The following PAK1 variants were observed in gnomAD, a reference collection of about 807,000 sequenced individuals.
PAK1 encodes serine/threonine-protein kinase PAK 1.
A neutral mutation model predicts 67.4 loss-of-function variants in PAK1; 29 were observed. That is an observed-to-expected ratio of 0.43 (90% CI 0.32 to 0.59). The LOEUF is 0.59. Among genes scored for constraint, PAK1 ranks in the 20% least tolerant of loss-of-function variants. PAK1 has a pLI of 0.07. For synonymous variants in PAK1, 223 were observed against 237.4 expected (o/e 0.94, Z 0.56); for missense variants, 337 against 670.7 (o/e 0.50, Z 5.50).
At chr11:77,346,145 G>T in intron 9 of PAK1, among the ~76,000 whole-genome samples, 1 of 151,876 alleles carries the variant, frequency 6.6e-6, no homozygotes, top group East Asian at 1.9e-4. Context: ...AGCTAATTTT[G>T]GTATTTTTAG....
chr11:77,325,401 T>C lies in PAK1; in HGVS notation c.1552-2041A>G, dbSNP rs373300221. The C allele has an allele frequency of 9.6e-5, 155 of 1,611,250 alleles. 1 individual carries two copies. In the African/African-American group the frequency reaches 1.8e-3, roughly 19 times the overall value. Reference sequence around the variant, plus strand: ...CCTGTAAAAATGAGAATAGAACCTATGACTCACAGAGTTGTTGTAAAGGAC... The same window carrying C: ...CCTGTAAAAATGAGAATAGAACCTACGACTCACAGAGTTGTTGTAAAGGAC... On this transcript the variant is annotated intron_variant, in intron 14 of 14. Transcript: ENST00000356341.
chr11:77,432,740 A>C (rs1565699131), intron 1 of PAK1, among the ~76,000 whole-genome samples: 1 of 152,182 alleles, frequency 6.6e-6, no homozygotes, highest in Non-Finnish European at 1.5e-5. Context: ...CCAAAAAAAA[A>C]ATCTGTTGGA....
At chr11:77,337,523 AAAGG>A (rs1942902708) in intron 11 of PAK1, 100 bp from the exon 12 acceptor site, 1 of 560,632 alleles carries the variant, frequency 1.8e-6, no homozygotes. Flanking sequence ...ACTTTAAAAT[AAAGG>A]AAGTAAGGCC....
At chr11:77,482,539 TTTAA>T in the PAK1 span, among the ~76,000 whole-genome samples, 5 of 152,152 alleles carry the variant, frequency 3.3e-5, no homozygotes, top group African/African-American at 7.2e-5. Context: ...TTGAATTCCT[TTTAA>T]TTAGTTTTTG....
Position 77,379,894 on chromosome 11 carries a change from C to T in PAK1, c.291G>A (p.Thr97=), listed in dbSNP as rs1130059. ...GACCTTTCTGTGACCCAGGACTTAC[C>T]GTAAACTCCCCTGTGACAGCATCAA... is the stretch of plus-strand genomic sequence containing the variant. ...VGFDAVTGEF[T]GMPEQWARLL... The change falls in exon 3 of 15, where the codon ACG becomes ACA. Residue 97 remains threonine, a splice_region_variant and synonymous_variant. Transcript: ENST00000356341. 0.016 allele frequency: 26,000 copies of T among 1,609,066 alleles called. 252 individuals are homozygous for T. The highest frequency in any genetic ancestry group is 0.018 in the Non-Finnish European group (21,260 of 1,175,710).
intron 2 of PAK1, among the ~76,000 whole-genome samples, chr11:77,382,327 A>G (rs1244757503): frequency 6.6e-6 from 1 of 152,130 alleles, no homozygotes; most frequent in African/African-American, 2.4e-5. Flanking sequence ...GCTTCTACTG[A>G]GCACTCTTTA....
At chr11:77,443,379 C>T (rs1956449347) in intron 1 of PAK1, among the ~76,000 whole-genome samples, 1 of 151,918 alleles carries the variant, frequency 6.6e-6, no homozygotes, top group South Asian at 2.1e-4. Context: ...CCCAGCAAGC[C>T]CATTCCCAAC....
chr11:77,484,403 G>A, the PAK1 span, among the ~76,000 whole-genome samples: 2 of 152,162 alleles, frequency 1.3e-5, no homozygotes, highest in Non-Finnish European at 2.9e-5. Context: ...ACCCCCTCGG[G>A]TGGATGTGGT....
chr11:77,494,752 A>C, the PAK1 span, among the ~76,000 whole-genome samples: 1 of 152,210 alleles, frequency 6.6e-6, no homozygotes, highest in Admixed American at 6.5e-5. Flanking sequence ...AGGCATGATG[A>C]CTCACACCTG....
chr11:77,412,590 A>G (rs1007824845), intron 1 of PAK1, among the ~76,000 whole-genome samples: 2 of 151,758 alleles, frequency 1.3e-5, no homozygotes, highest in Admixed American at 6.6e-5. Context: ...CACCACACCC[A>G]GTTATTTTTA....
At chr11:77,488,285 G>C in the PAK1 span, among the ~76,000 whole-genome samples, 3 of 151,878 alleles carry the variant, frequency 2.0e-5, no homozygotes, top group Non-Finnish European at 4.4e-5. Flanking sequence ...CACAACACCC[G>C]AGTCCCTTCA....
chr11:77,498,567 A>G, the PAK1 span, among the ~76,000 whole-genome samples: 1 of 151,940 alleles, frequency 6.6e-6, no homozygotes, highest in Non-Finnish European at 1.5e-5. Context: ...TTTTATCTAT[A>G]TGGCCTGCCT....
chr11:77,437,682 C>G (rs1375488058), intron 1 of PAK1, among the ~76,000 whole-genome samples: 1 of 152,062 alleles, frequency 6.6e-6, no homozygotes, highest in African/African-American at 2.4e-5. Context: ...CCCATACTCC[C>G]CAAAGACTTA....
chr11:77,488,881 T>C, the PAK1 span, among the ~76,000 whole-genome samples: 1 of 152,150 alleles, frequency 6.6e-6, no homozygotes, highest in Non-Finnish European at 1.5e-5. Context: ...AAAAAGTTCA[T>C]TCAAAGGGAA....
chr11:77,477,442 G>A (rs2135625279), upstream of PAK1, among the ~76,000 whole-genome samples: 1 of 151,786 alleles, frequency 6.6e-6, no homozygotes, highest in South Asian at 2.1e-4. Context: ...TTAATAAAAA[G>A]AGGCCAGACC....
At chr11:77,492,456 A>C in the PAK1 span, among the ~76,000 whole-genome samples, 12 of 152,102 alleles carry the variant, frequency 7.9e-5, no homozygotes, top group African/African-American at 2.9e-4. Flanking sequence ...ATTAAATGCA[A>C]TAGGAACCCA....
the PAK1 span, among the ~76,000 whole-genome samples, chr11:77,502,342 T>C: frequency 6.6e-6 from 1 of 152,258 alleles, no homozygotes; most frequent in East Asian, 1.9e-4. Flanking sequence ...ATGTCTATTA[T>C]TTTCAACCAG....
intron 14 of PAK1, 78 bp downstream of exon 14, chr11:77,332,652 A>T: frequency 1.7e-6 from 2 of 1,153,338 alleles, no homozygotes; most frequent in Admixed American, 3.5e-5. Context: ...AATATCCAGT[A>T]CCTTACAAAC....
intron 1 of PAK1, among the ~76,000 whole-genome samples, chr11:77,434,274 C>T (rs76377720): frequency 0.14 from 21,544 of 152,042 alleles, 3,370 homozygotes; most frequent in African/African-American, 0.38. Flanking sequence ...TAAAATGTGG[C>T]ATATCCATAC....
Sources: gnomAD v4.1 joint callset for allele counts (sites outside exome capture counted in the v4.1 genomes callset) on GRCh38, gnomAD v4.1.1 for gene constraint, MANE v1.5 for transcripts, NCBI Gene and HGNC (gene_info 2026-07-23, HGNC 2026-07-21) for gene names.